The following ABCB11 variants were observed in gnomAD, a reference collection of about 807,000 sequenced individuals.
The protein encoded by ABCB11 is ATP binding cassette subfamily B member 11.
ABCB11 carries 95 observed loss-of-function variants against 148.0 expected under a neutral mutation model. The ratio of observed to expected loss-of-function variants is 0.64; its 90% CI spans 0.54 to 0.76. The LOEUF (loss-of-function observed/expected upper bound fraction) is 0.76, where lower values mean the gene tolerates loss of function less well. Ranked by LOEUF, ABCB11 falls within the 30% of genes least tolerant of loss-of-function variation. The pLI is 0.00. For synonymous variants in ABCB11, 591 were observed against 555.4 expected (o/e 1.06, Z -0.90); for missense variants, 1,523 against 1,617.8 (o/e 0.94, Z 1.01).
chr2:168,938,730 G>T (rs1255907276), intron 21 of ABCB11, among the ~76,000 whole-genome samples: 1 of 152,042 alleles, frequency 6.6e-6, no homozygotes, highest in Non-Finnish European at 1.5e-5. Flanking sequence ...ATTTTTGGTT[G>T]GCAAGGACTG....
chr2:168,929,151 T>G (rs1287548240), intron 25 of ABCB11, among the ~76,000 whole-genome samples: 1 of 152,218 alleles, frequency 6.6e-6, no homozygotes, highest in East Asian at 1.9e-4. Flanking sequence ...CAAAACATTT[T>G]CAGACCCATA....
Position 169,018,100 on chromosome 2 carries a change from C to G in ABCB11, c.26G>C (p.Ser9Thr), listed in dbSNP as rs1470241038. 6.2e-7 allele frequency: 1 copy of G among 1,613,660 alleles called. No homozygotes were observed. Among genetic ancestry groups the G allele is most frequent in the South Asian group, 1.1e-5 (1 of 91,080 alleles). The change falls in exon 2 of 28, where the codon AGT (serine) becomes ACT (threonine). Residue 9 changes from serine (S) to threonine (T), a missense_variant. Physicochemically the swap from Ser to Thr is moderately conservative, Grantham distance 58. Coordinates refer to ENST00000650372, the MANE Select transcript of ABCB11 (RefSeq NM_003742.4). The part of the protein sequence containing the change: MSDSVILR[S>T]IKKFGEENDG... ...ATTCTCCTCTCCAAATTTCTTTATA[C>G]TTCGAAGAATTACTGAGTCAGACAT...
intron 5 of ABCB11, among the ~76,000 whole-genome samples, chr2:169,002,853 C>T (rs1362128538): frequency 6.6e-6 from 1 of 152,034 alleles, no homozygotes; most frequent in Non-Finnish European, 1.5e-5. Context: ...ATTTACTGGG[C>T]TGACTATAGT....
At position 168,975,591 on chromosome 2, in the gene ABCB11, A is replaced by ATAAATATT. The variant is rs1558901322; in HGVS notation, c.1308+978_1308+985dup. ...TATTTATAGATAAATATATAAATAC[A>ATAAATATT]TAAATATTTTTATATTTAAATATTT... On this transcript the variant is annotated intron_variant, in intron 12 of 27. Coordinates refer to ENST00000650372, the MANE Select transcript of ABCB11 (RefSeq NM_003742.4). Among the ~76,000 whole-genome samples, 206 of 27,842 alleles carry ATAAATATT rather than the reference A, an allele frequency of 7.4e-3. 86 individuals carry two copies. The highest frequency in any genetic ancestry group is 0.02 in the East Asian group (8 of 408). The allele number at this position is 27,842 out of a possible 152,430, so 18.3% of individuals were successfully genotyped here.
chr2:169,022,670 A>G (rs1452442972), intron 1 of ABCB11, among the ~76,000 whole-genome samples: 3 of 152,078 alleles, frequency 2.0e-5, no homozygotes, highest in Admixed American at 2.0e-4. Context: ...GTGAAAAGAA[A>G]AATAAGAAAA....
At chr2:168,930,634 GC>G in intron 25 of ABCB11, 30 bp downstream of exon 25, 1 of 1,462,526 alleles carries the variant, frequency 6.8e-7, no homozygotes, top group Non-Finnish European at 9.1e-7. Context: ...TCTGCAGAAG[GC>G]AAAATTCTCA....
Position 168,975,354 on chromosome 2 carries a change from GATAAATAT to G in ABCB11, c.1308+1215_1308+1222del, listed in dbSNP as rs375623496. Among the ~76,000 whole-genome samples, 7 of 15,914 alleles carry G rather than the reference GATAAATAT, an allele frequency of 4.4e-4. 1 individual carries two copies. Among genetic ancestry groups the G allele is most frequent in the African/African-American group, 6.6e-4 (3 of 4,528 alleles). The allele number at this position is 15,914 out of a possible 152,430, so 10.4% of individuals were successfully genotyped here. A position where few individuals can be genotyped will look rare whatever the true frequency, so the allele number is the denominator to read the frequency against. ...ATATATAAATATTTTTATATTTATA[GATAAATAT>G]ATAAATATATAAATATTTTTATATT... On this transcript the variant is annotated intron_variant, in intron 12 of 27. Transcript: ENST00000650372.
chr2:168,915,911 G>A (rs888623513), downstream of ABCB11, among the ~76,000 whole-genome samples: 2 of 152,148 alleles, frequency 1.3e-5, no homozygotes, highest in Admixed American at 1.3e-4. Context: ...TGGGTGTCAA[G>A]AGAGACAACA....
chr2:168,995,884 T>C (rs1185876956), intron 6 of ABCB11, among the ~76,000 whole-genome samples: 1 of 148,778 alleles, frequency 6.7e-6, no homozygotes, highest in Non-Finnish European at 1.5e-5. Context: ...GAAGCATTCA[T>C]GCATAGTTTT....
At chr2:168,918,871 A>G (rs189428228), downstream of ABCB11, among the ~76,000 whole-genome samples, 16 of 152,238 alleles carry the variant, frequency 1.1e-4, no homozygotes, top group Middle Eastern at 3.4e-3. Context: ...TAGTTTCAGT[A>G]TCTATTGTTT....
At chr2:168,937,291 T>C (rs1559185644) in intron 21 of ABCB11, among the ~76,000 whole-genome samples, 1 of 152,222 alleles carries the variant, frequency 6.6e-6, no homozygotes, top group Non-Finnish European at 1.5e-5. Flanking sequence ...TTTTGGCTAT[T>C]GTGAATAATG....
chr2:168,977,999 T>C (rs1226311026), intron 11 of ABCB11, among the ~76,000 whole-genome samples: 1 of 152,142 alleles, frequency 6.6e-6, no homozygotes, highest in African/African-American at 2.4e-5. Flanking sequence ...TCTACCTCCT[T>C]ACTGGGTTGC....
Position 168,958,033 on chromosome 2 carries a change from C to A in ABCB11, c.2274G>T (p.Gly758=). ...SAPEWPYMLV[G]SVGAAVNGTV... ...TCCCGTTCACAGCTGCACCCACAGA[C>A]CCTACCAGCATGTAGGGCCATTCTG... The change falls in exon 19 of 28, where the codon GGG becomes GGT. Residue 758 remains glycine, a synonymous_variant. Transcript: ENST00000650372. The A allele has an allele frequency of 6.2e-7, 1 of 1,611,354 alleles. No homozygotes were observed. The highest frequency in any genetic ancestry group is 1.1e-5 in the South Asian group (1 of 90,958).
In ABCB11 at chr2:168,932,408, A is replaced by C. The variant is rs1438849030; in HGVS notation, c.3182T>G (p.Ile1061Ser). 1 of 1,578,404 alleles carries C rather than the reference A, an allele frequency of 6.3e-7. No homozygotes were observed. The highest frequency in any genetic ancestry group is 1.3e-5 in the African/African-American group (1 of 74,126). ...FFQLLDRQPPISVYNTAGEKW... is the reference protein window; with the variant it reads ...FFQLLDRQPPSSVYNTAGEKW... The stretch of plus-strand genomic sequence containing the variant: ...TTCACCTGCAGTATTGTATACACTG[A>C]TTGGGGGTTGTCGGTCCAGCAGTTG... The change falls in exon 24 of 28, where the codon ATC becomes AGC. Residue 1061 changes from isoleucine to serine, a missense_variant. Physicochemically the swap from Ile to Ser is moderately radical, Grantham distance 142. Transcript: ENST00000650372.
At chr2:168,997,720 T>C (rs1302147756) in intron 5 of ABCB11, among the ~76,000 whole-genome samples, 1 of 152,012 alleles carries the variant, frequency 6.6e-6, no homozygotes, top group African/African-American at 2.4e-5. Context: ...TTTTTCTCTA[T>C]TGAACTCAGG....
In ABCB11 at chr2:168,923,631, G is replaced by C. The variant is rs755385816; in HGVS notation, c.3957C>G (p.Pro1319=). 19 of 1,613,582 alleles carry C rather than the reference G, an allele frequency of 1.2e-5. No homozygotes were observed. Among genetic ancestry groups the C allele is most frequent in the Admixed American group, 1.7e-5 (1 of 59,974 alleles). ...AGATTCTTGCATTGGGTCAACTGAT[G>C]GGGGATCCAGTGGTGACTAGTTTGT... ...AYYKLVTTGS[P]IS The change falls in exon 28 of 28, where the codon CCC becomes CCG. Residue 1319 remains proline, a synonymous_variant. Coordinates refer to ENST00000650372, the MANE Select transcript of ABCB11 (RefSeq NM_003742.4).
chr2:169,006,288 C>T (rs958336097), intron 5 of ABCB11, among the ~76,000 whole-genome samples: 1 of 151,990 alleles, frequency 6.6e-6, no homozygotes, highest in Non-Finnish European at 1.5e-5. Context: ...TTATAATGGG[C>T]AAAACTGCAT....
At chr2:169,014,233 A>C in intron 4 of ABCB11, 70 bp downstream of exon 4, 6 of 1,142,938 alleles carry the variant, frequency 5.2e-6, no homozygotes, top group South Asian at 1.2e-5. Context: ...TAAAGATTTA[A>C]CACTCCCCTC....
At chr2:169,002,092 G>A (rs1694892838) in intron 5 of ABCB11, among the ~76,000 whole-genome samples, 1 of 152,082 alleles carries the variant, frequency 6.6e-6, no homozygotes, top group African/African-American at 2.4e-5. Context: ...ATTTCAAAAA[G>A]CAACCGTAAG....
Sources: gnomAD v4.1 joint callset for allele counts (sites outside exome capture counted in the v4.1 genomes callset) on GRCh38, gnomAD v4.1.1 for gene constraint, MANE v1.5 for transcripts, NCBI Gene and HGNC (gene_info 2026-07-23, HGNC 2026-07-21) for gene names.